Variants in DNAJB11 observed in about 807,000 individuals in gnomAD.
DNAJB11 encodes dnaJ homolog subfamily B member 11.
A neutral mutation model predicts 47.2 loss-of-function variants in DNAJB11; 30 were observed. The ratio of observed to expected loss-of-function variants is 0.64; its 90% CI spans 0.48 to 0.86. The LOEUF (loss-of-function observed/expected upper bound fraction) is 0.86. DNAJB11 is among the 40% of genes least tolerant of loss of function. The probability of loss-of-function intolerance (pLI) is 0.00; values close to 1 mark genes in which losing one functional copy is unlikely to be tolerated. For synonymous variants in DNAJB11, 151 were observed against 159.9 expected (o/e 0.94, Z 0.42); for missense variants, 357 against 440.2 (o/e 0.81, Z 1.69).
At chr3:186,583,140 A>C (rs1715544455) in intron 7 of DNAJB11, among the ~76,000 whole-genome samples, 1 of 152,238 alleles carries the variant, frequency 6.6e-6, no homozygotes, top group Admixed American at 6.5e-5. Context: ...CAGCTTCTGT[A>C]AAGAGAGCTT....
chr3:186,581,241 T>C, intron 4 of DNAJB11, 130 bp from the exon 5 acceptor site: 1 of 1,058,300 alleles, frequency 9.4e-7, no homozygotes, highest in Non-Finnish European at 1.4e-6. Context: ...CAGCTTTAGA[T>C]CTCTGAGGGA....
chr3:186,579,399 A>C (rs1425729233), intron 4 of DNAJB11: 1 of 152,074 alleles, frequency 6.6e-6, no homozygotes, highest in Non-Finnish European at 1.5e-5. Context: ...TTTAATTTCA[A>C]CTCATATTTT....
At chr3:186,574,871 C>A (rs565956231) in intron 2 of DNAJB11, among the ~76,000 whole-genome samples, 1 of 152,064 alleles carries the variant, frequency 6.6e-6, no homozygotes. Flanking sequence ...AGACTCTTGT[C>A]TAAGTAGGAG....
chr3:186,584,879 A>T (rs1419681550), intron 9 of DNAJB11, among the ~76,000 whole-genome samples: 1 of 152,166 alleles, frequency 6.6e-6, no homozygotes, highest in Non-Finnish European at 1.5e-5. Flanking sequence ...ACTGGACCAC[A>T]CTGTAAAAGG....
At position 186,585,482 on chromosome 3, in the gene DNAJB11, G is replaced by A; in HGVS notation, c.*74G>A. The stretch of plus-strand genomic sequence containing the variant: ...TATTATCTGCAAGGTTTTTTTGTGT[G>A]TGTTTTTGTTTTTATTTTCAATATG... On this transcript the variant is annotated 3_prime_UTR_variant, in exon 10 of 10. Coordinates refer to ENST00000265028, the MANE Select transcript of DNAJB11 (RefSeq NM_016306.6). 8.2e-7 allele frequency: 1 copy of A among 1,216,636 alleles called. No homozygotes were observed. The highest frequency in any genetic ancestry group is 2.5e-5 in the East Asian group (1 of 39,892). The allele number at this position is 1,216,636 out of a possible 1,614,324, so 75.4% of individuals were successfully genotyped here. A position where few individuals can be genotyped will look rare whatever the true frequency, so the allele number is the denominator to read the frequency against.
At position 186,584,394 on chromosome 3, in the gene DNAJB11, C is replaced by T. The variant is rs114566702; in HGVS notation, c.853-36C>T. 948 of 1,507,224 alleles carry T rather than the reference C, an allele frequency of 6.3e-4. 2 individuals carry two copies. In the African/African-American group the frequency reaches 0.012, roughly 19 times the overall value. 93.4% of individuals were successfully genotyped at this position (1,507,224 alleles called of 1,614,324 possible). On this transcript the variant is annotated intron_variant, in intron 8 of 9. Transcript: ENST00000265028. ...GCTGTGTGATGTACTTCAGATGTAC[C>T]GCTCCTGCTGCAGTACATTCCCTTT...
intron 3 of DNAJB11, among the ~76,000 whole-genome samples, chr3:186,577,170 G>A (rs912265980): frequency 1.3e-5 from 2 of 152,118 alleles, no homozygotes; most frequent in African/African-American, 2.4e-5. Context: ...GTGTAGAGCA[G>A]TAGCTTCTTT....
In DNAJB11 at chr3:186,577,608, TTG is replaced by T. The variant is rs1027277355; in HGVS notation, c.324-57_324-56del. 1.1e-5 allele frequency: 16 copies of T among 1,447,016 alleles called. No individual in the cohort carries two copies. In the African/African-American group the frequency reaches 2.2e-4, roughly 20 times the overall value. The allele number at this position is 1,447,016 out of a possible 1,614,324, so 89.6% of individuals were successfully genotyped here. A position where few individuals can be genotyped will look rare whatever the true frequency, so the allele number is the denominator to read the frequency against. On this transcript the variant is annotated intron_variant, in intron 3 of 9. Transcript: ENST00000265028. ...TATCAACGTAAAGAAAATGAGTTAA[TTG>T]TGAAACATAGAGTCTTGATTTTTTT... is the stretch of plus-strand genomic sequence containing the variant.
chr3:186,581,201 G>A, intron 4 of DNAJB11, 170 bp from the exon 5 acceptor site: 1 of 606,022 alleles, frequency 1.7e-6, no homozygotes, highest in Non-Finnish European at 2.7e-6. Flanking sequence ...CCTGTTTGGG[G>A]GCTGATTTGT....
intron 9 of DNAJB11, 39 bp from the exon 10 acceptor site, chr3:186,585,305 T>A: frequency 6.4e-7 from 1 of 1,560,930 alleles, no homozygotes; most frequent in Non-Finnish European, 8.8e-7. Flanking sequence ...AAAGTAACAT[T>A]TTTTTGTTAA....
intron 4 of DNAJB11, chr3:186,580,975 T>G (rs1438670206): frequency 6.4e-6 from 1 of 155,108 alleles, no homozygotes; most frequent in Non-Finnish European, 1.4e-5. Context: ...TACCAGGTTT[T>G]GAAGGTAGTG....
chr3:186,576,197 G>A (rs939217650), intron 3 of DNAJB11, among the ~76,000 whole-genome samples: 1 of 152,222 alleles, frequency 6.6e-6, no homozygotes, highest in African/African-American at 2.4e-5. Flanking sequence ...ACGGGGACAT[G>A]TGTTGGAAAT....
At chr3:186,582,281 G>A (rs1485844464) in intron 6 of DNAJB11, among the ~76,000 whole-genome samples, 6 of 152,090 alleles carry the variant, frequency 3.9e-5, no homozygotes, top group African/African-American at 1.4e-4. Flanking sequence ...TCCTTTGAAT[G>A]TCATGGCCAA....
In DNAJB11 at chr3:186,570,721, C is replaced by A; in HGVS notation, c.-177C>A. On this transcript the variant is annotated 5_prime_UTR_variant, in exon 1 of 10. Coordinates refer to ENST00000265028, the MANE Select transcript of DNAJB11 (RefSeq NM_016306.6). ...GGGCTTCTCTCACCGGGACTCGGGA[C>A]TCCCGGGAAGTGGACCGGCAGAAGA... 3 of 636,578 alleles carry A rather than the reference C, an allele frequency of 4.7e-6. No homozygotes were observed. Among genetic ancestry groups the A allele is most frequent in the Non-Finnish European group, 8.2e-6 (3 of 366,732 alleles). The allele number at this position is 636,578 out of a possible 1,614,324, so 39.4% of individuals were successfully genotyped here. A position where few individuals can be genotyped will look rare whatever the true frequency, so the allele number is the denominator to read the frequency against.
At chr3:186,575,354 TGCGCGCGC>T (rs368559871) in intron 2 of DNAJB11, among the ~76,000 whole-genome samples, 9 of 129,440 alleles carry the variant, frequency 7.0e-5, no homozygotes, top group African/African-American at 2.4e-4. Context: ...TCCTAATACA[TGCGCGCGC>T]GCGCGCGTGT....
intron 2 of DNAJB11, among the ~76,000 whole-genome samples, chr3:186,574,978 T>G (rs1715216968): frequency 6.6e-6 from 1 of 152,138 alleles, no homozygotes; most frequent in Non-Finnish European, 1.5e-5. Context: ...AGAAAGTTTT[T>G]TTTTGCATGT....
intron 3 of DNAJB11, among the ~76,000 whole-genome samples, chr3:186,576,407 G>A (rs1715295914): frequency 6.6e-6 from 1 of 152,158 alleles, no homozygotes; most frequent in African/African-American, 2.4e-5. Flanking sequence ...TTGCTTTCTG[G>A]GAGTGCTGGG....
intron 3 of DNAJB11, 43 bp from the exon 4 acceptor site, chr3:186,577,625 T>A: frequency 3.5e-6 from 5 of 1,417,928 alleles, no homozygotes; most frequent in Non-Finnish European, 4.6e-6. Context: ...ACATAGAGTC[T>A]TGATTTTTTT....
chr3:186,575,356 C>CGTGCGCGT (rs1318917758), intron 2 of DNAJB11, among the ~76,000 whole-genome samples: 24 of 59,852 alleles, frequency 4.0e-4, no homozygotes, highest in Non-Finnish European at 6.3e-4. Context: ...CTAATACATG[C>CGTGCGCGT]GCGCGCGCGC....
Sources: allele counts gnomAD v4.1 joint callset (sites outside exome capture counted in the v4.1 genomes callset), GRCh38; gene constraint gnomAD v4.1.1; transcripts MANE v1.5; gene names NCBI Gene and HGNC (gene_info 2026-07-23, HGNC 2026-07-21).